DNAJB11: variants seen among roughly 807,000 people sequenced by gnomAD.
The protein encoded by DNAJB11 is dnaJ homolog subfamily B member 11.
Under a neutral mutation model 47.2 loss-of-function variants are expected in DNAJB11, and 30 were observed. The observed-to-expected ratio is 0.64, with a 90% CI of 0.48 to 0.86. The LOEUF (loss-of-function observed/expected upper bound fraction) is 0.86, where lower values mean the gene tolerates loss of function less well. Among genes scored for constraint, DNAJB11 ranks in the 40% least tolerant of loss-of-function variants. DNAJB11 has a pLI of 0.00. For missense variants in DNAJB11, 357 were observed against 440.2 expected (o/e 0.81, Z 1.69); for synonymous variants, 151 against 159.9 (o/e 0.94, Z 0.42).
At position 186,585,451 on chromosome 3, in the gene DNAJB11, G is replaced by A. The variant is rs371457689; in HGVS notation, c.*43G>A. 240 of 1,452,226 alleles carry A rather than the reference G, an allele frequency of 1.7e-4. 1 individual carries two copies. The African/African-American group carries it at 3.0e-3, about 18-fold the overall frequency. 90.0% of individuals were successfully genotyped at this position (1,452,226 alleles called of 1,614,324 possible). On this transcript the variant is annotated 3_prime_UTR_variant, in exon 10 of 10. Coordinates refer to ENST00000265028, the MANE Select transcript of DNAJB11 (RefSeq NM_016306.6). ...CTTTGTTTAAAATAAGTGAATAAGC[G>A]ATATTTATTATCTGCAAGGTTTTTT...
At position 186,572,856 on chromosome 3, in the gene DNAJB11, G is replaced by A. The variant is rs1454241641; in HGVS notation, c.225+605G>A. ...CCCAGCCAGTTTTTGTCATACAAAT[G>A]CAAACAGTATGTTCCTGGATGATTT... On this transcript the variant is annotated intron_variant, in intron 2 of 9. Coordinates refer to ENST00000265028, the MANE Select transcript of DNAJB11 (RefSeq NM_016306.6). 2.6e-5 allele frequency among the ~76,000 whole-genome samples: 4 copies of A among 152,160 alleles called. No homozygotes were observed. The East Asian group carries it at 7.7e-4, about 29-fold the overall frequency.
chr3:186,571,015 T>TGG, intron 1 of DNAJB11, 50 bp downstream of exon 1: 1 of 144,534 alleles, frequency 6.9e-6, no homozygotes, highest in Non-Finnish European at 1.5e-5. Context: ...CAGCCTTTGC[T>TGG]GGGGGGTGGG....
intron 1 of DNAJB11, 57 bp downstream of exon 1, chr3:186,571,022 T>TCGCCTTTGGGGGGGGGGG: frequency 4.8e-6 from 1 of 208,308 alleles, no homozygotes; most frequent in South Asian, 4.3e-5. Context: ...TGCTGGGGGG[T>TCGCCTTTGGGGGGGGGGG]GGGAGGGGGT....
At position 186,570,966 on chromosome 3, in the gene DNAJB11, G is replaced by A. The variant is rs1310506702; in HGVS notation, c.68+1G>A. 5 of 1,574,264 alleles carry A rather than the reference G, an allele frequency of 3.2e-6. No individual in the cohort carries two copies. The highest frequency in any genetic ancestry group is 1.8e-5 in the Admixed American group (1 of 56,388). Reference sequence around the variant, plus strand: ...ACCTCATCGGGGCGGTGATTGCCGGGTGAGGAACAGACACTCGCAGACAAC... The same window carrying A: ...ACCTCATCGGGGCGGTGATTGCCGGATGAGGAACAGACACTCGCAGACAAC... On this transcript the variant is annotated splice_donor_variant, in intron 1 of 9. Coordinates refer to ENST00000265028, the MANE Select transcript of DNAJB11 (RefSeq NM_016306.6). LOFTEE classifies it high-confidence loss of function.
At chr3:186,575,364 CGCGCGT>C (rs1275274157) in intron 2 of DNAJB11, among the ~76,000 whole-genome samples, 2 of 89,350 alleles carry the variant, frequency 2.2e-5, no homozygotes, top group African/African-American at 8.0e-5. Flanking sequence ...TGCGCGCGCG[CGCGCGT>C]GTGTGTGTGT....
rs1188409769 is a variant in DNAJB11, at chr3:186,585,474, T to C, written c.*66T>C. The C allele has an allele frequency of 3.9e-6, 5 of 1,286,602 alleles. No individual in the cohort carries two copies. The East Asian group carries it at 1.2e-4, about 31-fold the overall frequency. The allele number at this position is 1,286,602 out of a possible 1,614,324, so 79.7% of individuals were successfully genotyped here. On this transcript the variant is annotated 3_prime_UTR_variant, in exon 10 of 10. Coordinates refer to ENST00000265028, the MANE Select transcript of DNAJB11 (RefSeq NM_016306.6). Reference sequence around the variant, plus strand: ...GCGATATTTATTATCTGCAAGGTTTTTTTGTGTGTGTTTTTGTTTTTATTT... The same window carrying C: ...GCGATATTTATTATCTGCAAGGTTTCTTTGTGTGTGTTTTTGTTTTTATTT...
intron 1 of DNAJB11, 44 bp downstream of exon 1, chr3:186,571,009 CT>C: frequency 5.4e-6 from 2 of 369,246 alleles, no homozygotes; most frequent in Non-Finnish European, 1.0e-5. Context: ...GTGGGTCAGC[CT>C]TTGCTGGGGG....
intron 2 of DNAJB11, among the ~76,000 whole-genome samples, chr3:186,572,911 T>G (rs1418606762): frequency 6.6e-6 from 1 of 150,882 alleles, no homozygotes; most frequent in Non-Finnish European, 1.5e-5. Context: ...AAAATCTAGA[T>G]TTTTTATATG....
intron 2 of DNAJB11, among the ~76,000 whole-genome samples, chr3:186,573,574 A>G (rs1367295457): frequency 2.0e-5 from 3 of 151,900 alleles, no homozygotes; most frequent in Admixed American, 6.6e-5. Flanking sequence ...TTTAGTAGAG[A>G]CAGGGTTTCA....
rs757644101 is a variant in DNAJB11 at position 186,581,533 on chromosome 3, T to C, written c.599+20T>C. On this transcript the variant is annotated intron_variant, in intron 5 of 9. Coordinates refer to ENST00000265028, the MANE Select transcript of DNAJB11 (RefSeq NM_016306.6). ...TGTCAAGTAAGTGAAAGCACCTTCT[T>C]TGTTCTACCAAGAAACACTTGTTAA... 6.2e-7 allele frequency: 1 copy of C among 1,609,580 alleles called. No individual in the cohort carries two copies. Among genetic ancestry groups the C allele is most frequent in the South Asian group, 1.1e-5 (1 of 90,686 alleles).
At position 186,584,549 on chromosome 3, in the gene DNAJB11, G is replaced by T; in HGVS notation, c.972G>T (p.Val324=). 1 of 1,596,920 alleles carries T rather than the reference G, an allele frequency of 6.3e-7. No homozygotes were observed. The stretch of plus-strand genomic sequence containing the variant: ...GCTCTTTGATAATCACTTTTGATGT[G>T]GATTTTCCAAAAGAACAGTTAACAG... ...IKGSLIITFD[V]DFPKEQLTEE... is the part of the protein sequence containing the mutation. The change falls in exon 9 of 10, where the codon GTG becomes GTT. Residue 324 remains valine (V), a synonymous_variant. Coordinates refer to ENST00000265028, the MANE Select transcript of DNAJB11 (RefSeq NM_016306.6).
In DNAJB11 at chr3:186,584,635, A is replaced by T. The variant is rs112885079; in HGVS notation, c.1012+46A>T. On this transcript the variant is annotated intron_variant, in intron 9 of 9. Coordinates refer to ENST00000265028, the MANE Select transcript of DNAJB11 (RefSeq NM_016306.6). ...TGTGTGTGTGTGTTTGTGTGTGTGT[A>T]TGTGTGTGTGTGTGAGATGAGAAAA... The T allele has an allele frequency of 6.3e-4, 175 of 275,622 alleles. 1 individual carries two copies. The highest frequency in any genetic ancestry group is 5.3e-3 in the African/African-American group (96 of 18,074). 17.1% of individuals were successfully genotyped at this position (275,622 alleles called of 1,614,324 possible).
At position 186,571,829 on chromosome 3, in the gene DNAJB11, T is replaced by C. The variant is rs376199826; in HGVS notation, c.69-266T>C. ...TGGTTTTCTTGACCGAAGGTGGTTC[T>C]GAAAGAAAAGTGCCACAGATGTTTT... On this transcript the variant is annotated intron_variant, in intron 1 of 9. Transcript: ENST00000265028. 1.2e-4 allele frequency among the ~76,000 whole-genome samples: 19 copies of C among 152,348 alleles called. No homozygotes were observed. The South Asian group carries it at 3.7e-3, about 30-fold the overall frequency.
chr3:186,575,758 T>G (rs1233981906), intron 2 of DNAJB11, 82 bp from the exon 3 acceptor site: 13 of 1,124,492 alleles, frequency 1.2e-5, no homozygotes, highest in Non-Finnish European at 1.6e-5. Flanking sequence ...ACTGTCAAAG[T>G]AAAAACAAAC....
chr3:186,570,882 C>T lies in DNAJB11; in HGVS notation c.-16C>T. ...CTGTGAGGAGTGTGTGGAACAGGACCCGGGACAGAGGAACCATGGCTCCGC... is the reference window on the plus strand; with the variant it reads ...CTGTGAGGAGTGTGTGGAACAGGACTCGGGACAGAGGAACCATGGCTCCGC... On this transcript the variant is annotated 5_prime_UTR_variant, in exon 1 of 10. Transcript: ENST00000265028. The T allele has an allele frequency of 6.2e-7, 1 of 1,601,994 alleles. No homozygotes were observed. The highest frequency in any genetic ancestry group is 8.5e-7 in the Non-Finnish European group (1 of 1,174,070).
In DNAJB11 at chr3:186,581,984, C is replaced by T; in HGVS notation, c.600-11C>T. The T allele has an allele frequency of 1.2e-6, 2 of 1,606,872 alleles. No homozygotes were observed. Among genetic ancestry groups the T allele is most frequent in the South Asian group, 2.2e-5 (2 of 90,410 alleles). On this transcript the variant is annotated splice_polypyrimidine_tract_variant and intron_variant, in intron 5 of 9. Coordinates refer to ENST00000265028, the MANE Select transcript of DNAJB11 (RefSeq NM_016306.6). ...ATTATTTTTCTCCTCTTTTAATTCT[C>T]TTTACCTCAGACTAGTGAATGAAGA...
At chr3:186,583,323 C>T (rs1017107892) in intron 7 of DNAJB11, among the ~76,000 whole-genome samples, 1 of 152,188 alleles carries the variant, frequency 6.6e-6, no homozygotes, top group African/African-American at 2.4e-5. Flanking sequence ...AGAAATGGCC[C>T]CCCACTGTCT....
At chr3:186,575,266 TG>T (rs2108476514) in intron 2 of DNAJB11, among the ~76,000 whole-genome samples, 1 of 151,886 alleles carries the variant, frequency 6.6e-6, no homozygotes, top group African/African-American at 2.4e-5. Context: ...TACCAAAAAA[TG>T]AAAAAAGGAG....
At chr3:186,573,906 C>T (rs1231843090) in intron 2 of DNAJB11, among the ~76,000 whole-genome samples, 1 of 152,200 alleles carries the variant, frequency 6.6e-6, no homozygotes, top group Non-Finnish European at 1.5e-5. Context: ...TCTTCACGTT[C>T]TTTATCAATG....
Sources: gnomAD v4.1 joint callset for allele counts (sites outside exome capture counted in the v4.1 genomes callset) on GRCh38, gnomAD v4.1.1 for gene constraint, MANE v1.5 for transcripts, NCBI Gene and HGNC (gene_info 2026-07-23, HGNC 2026-07-21) for gene names.